Variants in GDAP2 observed in about 807,000 individuals in gnomAD.
GDAP2 encodes ganglioside induced differentiation associated protein 2, also known as ganglioside-induced differentiation-associated protein 2.
Under a neutral mutation model 67.0 loss-of-function variants are expected in GDAP2, and 51 were observed. That is an observed-to-expected ratio of 0.76 (90% CI 0.61 to 0.96). GDAP2 has a LOEUF of 0.96. GDAP2 is among the 40% of genes least tolerant of loss of function. The pLI is 0.00. For missense variants in GDAP2, 547 were observed against 588.3 expected (o/e 0.93, Z 0.73); for synonymous variants, 203 against 207.3 (o/e 0.98, Z 0.18).
intron 1 of GDAP2, 146 bp from the exon 2 acceptor site, chr1:117,920,570 T>C (rs1244574206): frequency 1.1e-5 from 4 of 377,652 alleles, no homozygotes; most frequent in Non-Finnish European, 1.9e-5. Flanking sequence ...TTAAAAACAA[T>C]GGACAACAAA....
At chr1:117,873,942 TC>T (rs1648373889) in intron 13 of GDAP2, among the ~76,000 whole-genome samples, 1 of 152,166 alleles carries the variant, frequency 6.6e-6, no homozygotes, top group Non-Finnish European at 1.5e-5. Flanking sequence ...CCTCATCTTT[TC>T]CCCCATGGAC....
intron 11 of GDAP2, chr1:117,883,263 C>T (rs528321257): frequency 7.2e-6 from 3 of 417,166 alleles, no homozygotes; most frequent in South Asian, 3.2e-5. Context: ...GTTATTTTAT[C>T]CACAAAGATT....
intron 8 of GDAP2, among the ~76,000 whole-genome samples, chr1:117,888,457 G>C (rs1648946639): frequency 6.6e-6 from 1 of 152,172 alleles, no homozygotes; most frequent in South Asian, 2.1e-4. Context: ...CTTGCAGATG[G>C]AAATGACATG....
chr1:117,892,990 T>C (rs1477466081), intron 8 of GDAP2, among the ~76,000 whole-genome samples: 1 of 152,164 alleles, frequency 6.6e-6, no homozygotes, highest in Non-Finnish European at 1.5e-5. Flanking sequence ...CTAATTAGTT[T>C]AACATTTTTC....
chr1:117,894,142 A>G (rs1557800665), intron 8 of GDAP2, among the ~76,000 whole-genome samples: 1 of 142,434 alleles, frequency 7.0e-6, no homozygotes, highest in African/African-American at 2.6e-5. Context: ...TCTCAATAAC[A>G]TTTTTTTTTT....
chr1:117,874,555 A>G (rs1040667005), intron 13 of GDAP2, among the ~76,000 whole-genome samples: 1 of 152,186 alleles, frequency 6.6e-6, no homozygotes, highest in African/African-American at 2.4e-5. Context: ...TTATGGCCAC[A>G]TAAAAATGGA....
At chr1:117,898,021 C>T (rs1222998214) in intron 7 of GDAP2, among the ~76,000 whole-genome samples, 1 of 152,150 alleles carries the variant, frequency 6.6e-6, no homozygotes, top group African/African-American at 2.4e-5. Context: ...AGGCCTACAT[C>T]TATCACAAAA....
At chr1:117,923,753 C>A (rs1229789510) in intron 1 of GDAP2, among the ~76,000 whole-genome samples, 1 of 152,252 alleles carries the variant, frequency 6.6e-6, no homozygotes, top group Non-Finnish European at 1.5e-5. Context: ...TCAACCCCTT[C>A]CTGTCCCCCA....
intron 8 of GDAP2, among the ~76,000 whole-genome samples, chr1:117,895,698 C>A (rs1380218068): frequency 6.6e-6 from 1 of 152,134 alleles, no homozygotes; most frequent in African/African-American, 2.4e-5. Flanking sequence ...AAAAGCTGTT[C>A]CTTGGTGCCC....
intron 1 of GDAP2, among the ~76,000 whole-genome samples, chr1:117,921,259 G>A (rs1387266347): frequency 1.3e-5 from 2 of 152,022 alleles, no homozygotes; most frequent in Non-Finnish European, 2.9e-5. Flanking sequence ...ATATTTGCAA[G>A]CATCTATTAT....
At chr1:117,878,436 T>C (rs372782429) in intron 12 of GDAP2, among the ~76,000 whole-genome samples, 57 of 152,284 alleles carry the variant, frequency 3.7e-4, no homozygotes, top group African/African-American at 1.3e-3. Flanking sequence ...ATGCGTGTAG[T>C]GTGTTAGTGC....
Position 117,912,591 on chromosome 1 carries a change from A to T in GDAP2, c.409T>A (p.Tyr137Asn). The change falls in exon 4 of 14, where the codon TAT (tyrosine) becomes AAT (asparagine). Residue 137 changes from tyrosine to asparagine, a missense_variant. Tyr to Asn is a moderately radical substitution (Grantham distance 143, BLOSUM62 -2). Transcript: ENST00000369443. ...AGGGAACTCTCAGCTGCTGTGCGAT[A>T]GCGGCTTTTATATTTAGGTCCCACT... The part of the protein sequence containing the change: ...HTVGPKYKSR[Y>N]RTAAESSLYS... The T allele has an allele frequency of 6.2e-7, 1 of 1,613,640 alleles. No homozygotes were observed. The highest frequency in any genetic ancestry group is 2.2e-5 in the East Asian group (1 of 44,880).
intron 13 of GDAP2, among the ~76,000 whole-genome samples, chr1:117,872,606 C>G (rs377617455): frequency 6.6e-6 from 1 of 151,334 alleles, no homozygotes; most frequent in East Asian, 1.9e-4. Flanking sequence ...ACCCAAACAC[C>G]GCATGTTCTC....
At chr1:117,912,977 GCAGA>G (rs1649913067) in intron 3 of GDAP2, among the ~76,000 whole-genome samples, 1 of 152,172 alleles carries the variant, frequency 6.6e-6, no homozygotes, top group African/African-American at 2.4e-5. Flanking sequence ...ACTCAACAGA[GCAGA>G]CAAACCTAAT....
intron 3 of GDAP2, chr1:117,913,382 CCAGCA>C (rs1649930631): frequency 6.6e-6 from 1 of 151,814 alleles, no homozygotes; most frequent in Non-Finnish European, 1.5e-5. Context: ...CCTCCCCCAG[CCAGCA>C]CAGTAAGGTG....
Position 117,899,158 on chromosome 1 carries a change from C to G in GDAP2, c.695G>C (p.Arg232Pro). The change falls in exon 7 of 14, where the codon CGA becomes CCA. Residue 232 changes from arginine (R) to proline (P), a missense_variant. By Grantham distance (103) the Arg-to-Pro change is moderately radical (BLOSUM62 -2). Transcript: ENST00000369443. ...YFPRSLKEEN[R>P]SLPYLPADIG... ...ATCTGCAGGTAGGTAGGGCAATGAT[C>G]GATTCTCCTCTTTTAATGACCTTGG... 6.2e-7 allele frequency: 1 copy of G among 1,610,540 alleles called. No individual in the cohort carries two copies. The highest frequency in any genetic ancestry group is 8.5e-7 in the Non-Finnish European group (1 of 1,176,838).
chr1:117,922,690 T>C (rs940255511), intron 1 of GDAP2, among the ~76,000 whole-genome samples: 11 of 152,114 alleles, frequency 7.2e-5, no homozygotes, highest in African/African-American at 2.7e-4. Context: ...ATTGTACGAA[T>C]AGGGTGTGGG....
intron 5 of GDAP2, among the ~76,000 whole-genome samples, chr1:117,909,762 T>C (rs1649785714): frequency 6.6e-6 from 1 of 152,292 alleles, no homozygotes; most frequent in South Asian, 2.1e-4. Context: ...TTATTGATCT[T>C]TATCTGCTGT....
chr1:117,892,107 T>C (rs1029370559), intron 8 of GDAP2, among the ~76,000 whole-genome samples: 2 of 152,150 alleles, frequency 1.3e-5, no homozygotes, highest in African/African-American at 4.8e-5. Flanking sequence ...TTCTGGTTTC[T>C]AAGGACCATG....
Sources: allele counts gnomAD v4.1 joint callset (sites outside exome capture counted in the v4.1 genomes callset), GRCh38; gene constraint gnomAD v4.1.1; transcripts MANE v1.5; gene names NCBI Gene and HGNC (gene_info 2026-07-23, HGNC 2026-07-21).